Variants in XPR1 observed in about 807,000 individuals in gnomAD.
XPR1 encodes the protein solute carrier family 53 member 1.
In XPR1, 28 loss-of-function variants were observed where a neutral mutation model predicts 87.5. The ratio of observed to expected loss-of-function variants is 0.32; its 90% CI spans 0.24 to 0.44. XPR1 has a LOEUF of 0.44. XPR1 is among the 20% of genes least tolerant of loss of function. The probability of loss-of-function intolerance (pLI) is 1.00; values close to 1 mark genes in which losing one functional copy is unlikely to be tolerated. For missense variants in XPR1, 559 were observed against 862.3 expected, an observed-to-expected ratio of 0.65 and a Z score of 4.41; for synonymous variants, 300 against 306.1, an observed-to-expected ratio of 0.98 and a Z score of 0.21.
rs1650245248 is a variant in XPR1, at chr1:180,812,278, C to T, written c.763+790C>T. ...GCTGGGCTCAATCCTTCAATCTCCT[C>T]TGTCTATATTTGTTTCCTATCTAGG... On this transcript the variant is annotated intron_variant, in intron 7 of 14. Transcript: ENST00000367590. Among the ~76,000 whole-genome samples, 3 of 152,294 alleles carry T rather than the reference C, an allele frequency of 2.0e-5. No individual in the cohort carries two copies. The East Asian group carries it at 5.8e-4, about 29-fold the overall frequency.
chr1:180,741,170 C>A (rs372484458), intron 2 of XPR1, among the ~76,000 whole-genome samples: 163 of 152,148 alleles, frequency 1.1e-3, no homozygotes, highest in African/African-American at 3.8e-3. Context: ...CTAGAGATTT[C>A]TGCTTTTTTT....
chr1:180,819,865 A>G (rs1650557352), intron 7 of XPR1, among the ~76,000 whole-genome samples: 1 of 151,970 alleles, frequency 6.6e-6, no homozygotes, highest in Non-Finnish European at 1.5e-5. Flanking sequence ...TAAAATTACA[A>G]AAAAATTCCC....
chr1:180,762,261 T>TA (rs1269362174), intron 2 of XPR1, among the ~76,000 whole-genome samples: 4 of 151,932 alleles, frequency 2.6e-5, no homozygotes, highest in Admixed American at 2.6e-4. Context: ...CCCTAAAACT[T>TA]AAAGTATAAT....
intron 11 of XPR1, among the ~76,000 whole-genome samples, chr1:180,839,076 T>C (rs1651410382): frequency 1.3e-5 from 2 of 152,212 alleles, no homozygotes; most frequent in Non-Finnish European, 2.9e-5. Context: ...CTTGTGGCTA[T>C]GCAGATGAGA....
chr1:180,704,827 T>G (rs1384041378), intron 2 of XPR1, among the ~76,000 whole-genome samples: 2 of 145,290 alleles, frequency 1.4e-5, no homozygotes, highest in African/African-American at 2.5e-5. Context: ...TTTTTTTTTT[T>G]TTTTTTTTTT....
chr1:180,778,102 TC>T (rs1648792995), intron 2 of XPR1, among the ~76,000 whole-genome samples: 1 of 152,098 alleles, frequency 6.6e-6, no homozygotes, highest in South Asian at 2.1e-4. Context: ...CACCTCAGCC[TC>T]CCAAGTAGCT....
intron 1 of XPR1, among the ~76,000 whole-genome samples, chr1:180,643,199 C>T (rs908084379): frequency 2.0e-5 from 3 of 152,058 alleles, no homozygotes; most frequent in African/African-American, 4.8e-5. Context: ...TTGGAGAGTG[C>T]AAGACCAAAG....
chr1:180,684,044 A>C (rs1391849493), intron 2 of XPR1, among the ~76,000 whole-genome samples: 1 of 152,142 alleles, frequency 6.6e-6, no homozygotes. Flanking sequence ...GCCCATGCCT[A>C]TGTCCTGAAT....
At chr1:180,823,337 G>A (rs888272248) in intron 7 of XPR1, among the ~76,000 whole-genome samples, 7 of 152,156 alleles carry the variant, frequency 4.6e-5, no homozygotes, top group African/African-American at 1.7e-4. Context: ...AGACCAAATG[G>A]AAGTGTTTCT....
intron 2 of XPR1, among the ~76,000 whole-genome samples, chr1:180,778,165 T>G (rs10914102): frequency 0.043 from 6,526 of 151,954 alleles, 504 homozygotes; most frequent in African/African-American, 0.15. Flanking sequence ...AAAAATTTTT[T>G]TAGAGACTGG....
At chr1:180,858,155 C>T (rs1284906353) in intron 11 of XPR1, among the ~76,000 whole-genome samples, 2 of 152,132 alleles carry the variant, frequency 1.3e-5, no homozygotes, top group African/African-American at 2.4e-5. Flanking sequence ...GTGGAGGTTG[C>T]GGTGAGCCTA....
intron 1 of XPR1, among the ~76,000 whole-genome samples, chr1:180,677,586 C>T (rs985942879): frequency 3.7e-4 from 57 of 152,038 alleles, no homozygotes; most frequent in African/African-American, 1.2e-3. Flanking sequence ...TTTATAATAG[C>T]GATGTTATCC....
intron 4 of XPR1, among the ~76,000 whole-genome samples, chr1:180,805,323 A>G (rs552953654): frequency 2.6e-4 from 40 of 152,342 alleles, no homozygotes; most frequent in African/African-American, 9.6e-4. Flanking sequence ...TAAAGATGTA[A>G]CCTTGCAAAT....
chr1:180,840,530 A>G (rs1391368440), intron 11 of XPR1, among the ~76,000 whole-genome samples: 2 of 64,214 alleles, frequency 3.1e-5, no homozygotes, highest in African/African-American at 9.6e-5. Flanking sequence ...AGGTTAACAT[A>G]TTTGTGTGTG....
In XPR1 at chr1:180,766,357, A is replaced by G. The variant is rs140930682; in HGVS notation, c.122-21396A>G. ...AAATCACATTACTTTTCTGATGCAC[A>G]GAGTGTATTTTGATGTCATTAAGGA... On this transcript the variant is annotated intron_variant, in intron 2 of 14. Coordinates refer to ENST00000367590, the MANE Select transcript of XPR1 (RefSeq NM_004736.4). Among the ~76,000 whole-genome samples the G allele has an allele frequency of 6.6e-3, 1,006 of 152,308 alleles. 5 individuals carry two copies. Among genetic ancestry groups the G allele is most frequent in the Non-Finnish European group, 9.3e-3 (635 of 68,000 alleles).
chr1:180,789,098 TC>T (rs1367465895), intron 3 of XPR1, among the ~76,000 whole-genome samples: 1 of 152,148 alleles, frequency 6.6e-6, no homozygotes, highest in Non-Finnish European at 1.5e-5. Context: ...AGAGACTGAG[TC>T]CAGCATTCTC....
intron 2 of XPR1, among the ~76,000 whole-genome samples, chr1:180,728,507 A>T (rs1021915355): frequency 6.6e-6 from 1 of 152,210 alleles, no homozygotes; most frequent in Admixed American, 6.5e-5. Flanking sequence ...ATCATCTTGG[A>T]TCTTGTTAAA....
chr1:180,803,241 TA>T (rs1649860284), intron 3 of XPR1, 146 bp from the exon 4 acceptor site: 2 of 698,106 alleles, frequency 2.9e-6, no homozygotes. Flanking sequence ...TACACAAAAA[TA>T]TTTTTTCCTA....
intron 3 of XPR1, among the ~76,000 whole-genome samples, chr1:180,796,415 C>T (rs12089522): frequency 0.014 from 2,169 of 152,238 alleles, 40 homozygotes; most frequent in African/African-American, 0.05. Flanking sequence ...TCCCCTACCC[C>T]CACCTACGGA....
Sources: gnomAD v4.1 joint callset for allele counts (sites outside exome capture counted in the v4.1 genomes callset) on GRCh38, gnomAD v4.1.1 for gene constraint, MANE v1.5 for transcripts, NCBI Gene and HGNC (gene_info 2026-07-23, HGNC 2026-07-21) for gene names.